The following CELF2 variants were observed in gnomAD, a reference collection of about 807,000 sequenced individuals.
CELF2 encodes the protein CUGBP Elav-like family member 2, also known as CUG triplet repeat RNA-binding protein 2.
A neutral mutation model predicts 62.6 loss-of-function variants in CELF2; 8 were observed. The ratio of observed to expected loss-of-function variants is 0.13; its 90% CI spans 0.07 to 0.23. The LOEUF (loss-of-function observed/expected upper bound fraction) is 0.23, where lower values mean the gene tolerates loss of function less well. Among genes scored for constraint, CELF2 ranks in the 10% least tolerant of loss-of-function variants. CELF2 has a pLI of 1.00. For missense variants in CELF2, 333 were observed against 671.0 expected, an observed-to-expected ratio of 0.50 and a Z score of 5.56; for synonymous variants, 258 against 250.0, an observed-to-expected ratio of 1.03 and a Z score of -0.30.
intron 1 of CELF2, among the ~76,000 whole-genome samples, chr10:10,810,695 T>A (rs768271940): frequency 6.6e-6 from 1 of 152,076 alleles, no homozygotes; most frequent in Non-Finnish European, 1.5e-5. Context: ...GGGAGAGGTC[T>A]TAGAGGAGCC....
At position 11,145,884 on chromosome 10, in the gene CELF2, G is replaced by A. The variant is rs1322254716; in HGVS notation, c.75-19602G>A. Among the ~76,000 whole-genome samples the A allele has an allele frequency of 2.6e-5, 4 of 152,162 alleles. No individual in the cohort carries two copies. Among genetic ancestry groups the A allele is most frequent in the African/African-American group, 9.7e-5 (4 of 41,424 alleles). On this transcript the variant is annotated intron_variant, in intron 1 of 12. Coordinates refer to ENST00000633077, the MANE Select transcript of CELF2 (RefSeq NM_001326342.2). This position sits in a 1 kb window ranked among gnomAD's most constrained non-coding sequence, Gnocchi z 4.3. ...TATATACGTTGTTTACATTTTATGA[G>A]AGAATTATTCCTTATGTATACTTTT... is the stretch of plus-strand genomic sequence containing the variant.
chr10:11,126,738 A>G (rs1001350197), intron 1 of CELF2, among the ~76,000 whole-genome samples: 7 of 152,196 alleles, frequency 4.6e-5, no homozygotes, highest in South Asian at 2.1e-4. Flanking sequence ...TTCATAATAT[A>G]TACATTTCTG....
the CELF2 span, among the ~76,000 whole-genome samples, chr10:10,537,937 T>C: frequency 2.0e-5 from 3 of 152,044 alleles, no homozygotes; most frequent in Non-Finnish European, 4.4e-5. Flanking sequence ...GGGAGCCTGA[T>C]TAGGAAGGGT....
the CELF2 span, among the ~76,000 whole-genome samples, chr10:10,727,044 C>G: frequency 6.6e-6 from 1 of 151,908 alleles, no homozygotes; most frequent in African/African-American, 2.4e-5. Context: ...GTGAGAACTC[C>G]GTCACTAGGA....
chr10:11,231,971 T>C (rs1277729064), intron 3 of CELF2, among the ~76,000 whole-genome samples: 3 of 151,908 alleles, frequency 2.0e-5, no homozygotes, highest in African/African-American at 7.3e-5. Context: ...CATGTATTAT[T>C]AGTGTTAAGT....
chr10:11,182,252 G>A (rs1224548577), intron 2 of CELF2, among the ~76,000 whole-genome samples: 2 of 152,180 alleles, frequency 1.3e-5, no homozygotes, highest in African/African-American at 4.8e-5. Flanking sequence ...GATGTAACCG[G>A]GGAGCGGGGC....
intron 1 of CELF2, among the ~76,000 whole-genome samples, chr10:11,142,965 GGAACTCACTCCCCTCGTGA>G: frequency 2.0e-5 from 3 of 150,586 alleles, no homozygotes; most frequent in East Asian, 2.0e-4. Context: ...CTCCACTGGG[GGAACTCACTCCCCTCGTGA>G]TTCTTCTGTC....
At chr10:10,599,856 C>T in the CELF2 span, among the ~76,000 whole-genome samples, 4 of 151,706 alleles carry the variant, frequency 2.6e-5, no homozygotes, top group Admixed American at 2.0e-4. Context: ...CTCAGCCTCC[C>T]GAGTAGCTGG....
rs1251344274 is a variant in CELF2, at chr10:11,335,765, A to T, written c.*6712A>T. ...GGGGGGTGATTAAATTATCATTTCCAAGGTGCAAGTGTTTATTTTTCAAAT... is the reference window on the plus strand; with the variant it reads ...GGGGGGTGATTAAATTATCATTTCCTAGGTGCAAGTGTTTATTTTTCAAAT... On this transcript the variant is annotated 3_prime_UTR_variant, in exon 13 of 13. Coordinates refer to ENST00000633077, the MANE Select transcript of CELF2 (RefSeq NM_001326342.2). The surrounding 1 kb of genome is among the most constrained non-coding windows in gnomAD (Gnocchi z 5.0). 6.6e-6 allele frequency: 1 copy of T among 152,206 alleles called. No individual in the cohort carries two copies. The highest frequency in any genetic ancestry group is 1.5e-5 in the Non-Finnish European group (1 of 68,044). The allele number at this position is 152,206 out of a possible 1,614,324, so 9.4% of individuals were successfully genotyped here.
the CELF2 span, among the ~76,000 whole-genome samples, chr10:10,702,760 A>AT: frequency 6.6e-6 from 1 of 152,112 alleles, no homozygotes; most frequent in Non-Finnish European, 1.5e-5. Flanking sequence ...AATTTTCTGT[A>AT]TTTTTAGTAG....
chr10:10,640,734 C>G, the CELF2 span, among the ~76,000 whole-genome samples: 1 of 152,160 alleles, frequency 6.6e-6, no homozygotes, highest in Admixed American at 6.5e-5. Flanking sequence ...TGTTAGCATT[C>G]TCATACTATT....
rs145997795 is a variant in CELF2 at position 10,821,533 on chromosome 10, G to T, written c.53+22716G>T. On this transcript the variant is annotated intron_variant, in intron 1 of 13. Coordinates refer to the CELF2 transcript ENST00000636488. ...AAGTCCTTCTTGTCTTCCTGCTTCC[G>T]CCTGACTTGAGGCCTCCATCATTCT... Among the ~76,000 whole-genome samples, 4 of 152,240 alleles carry T rather than the reference G, an allele frequency of 2.6e-5. No homozygotes were observed. The East Asian group carries it at 7.7e-4, about 29-fold the overall frequency.
At chr10:11,004,650 A>C (rs1203551906), upstream of CELF2, among the ~76,000 whole-genome samples, 1 of 152,094 alleles carries the variant, frequency 6.6e-6, no homozygotes, top group Admixed American at 6.6e-5. This position sits in a 1 kb window ranked among gnomAD's most constrained non-coding sequence, Gnocchi z 5.0. Flanking sequence ...CAATCTTTGC[A>C]TTGCCTGCCT....
chr10:10,493,520 G>GT, the CELF2 span, among the ~76,000 whole-genome samples: 46 of 91,842 alleles, frequency 5.0e-4, no homozygotes, highest in African/African-American at 1.4e-3. Context: ...GATTTTGGGC[G>GT]TTTTTTTTTT....
chr10:10,650,855 G>C, the CELF2 span, among the ~76,000 whole-genome samples: 6 of 151,170 alleles, frequency 4.0e-5, no homozygotes, highest in Non-Finnish European at 5.9e-5. Flanking sequence ...TGAAAACGTG[G>C]AGGGGGGAGG....
chr10:11,006,734 A>T lies in CELF2; in HGVS notation c.53+1294A>T, dbSNP rs557446287. On this transcript the variant is annotated intron_variant, in intron 1 of 12. Transcript: ENST00000416382. ...TTTTGCCCTCACAATTTCGGTCACA[A>T]ACTATTATTATATAGCCTATTAAGT... Among the ~76,000 whole-genome samples the T allele has an allele frequency of 2.2e-4, 34 of 152,348 alleles. No individual in the cohort carries two copies. The Middle Eastern group carries it at 0.01, about 46-fold the overall frequency.
At chr10:11,257,336 C>CA (rs61363639) in intron 4 of CELF2, among the ~76,000 whole-genome samples, 4,245 of 114,604 alleles carry the variant, frequency 0.037, 193 homozygotes, top group African/African-American at 0.081. Flanking sequence ...AGACCATCTA[C>CA]AAAAAAAAAA....
chr10:10,463,737 G>C, the CELF2 span, among the ~76,000 whole-genome samples: 1 of 152,080 alleles, frequency 6.6e-6, no homozygotes, highest in Non-Finnish European at 1.5e-5. Context: ...AGAAACTTAG[G>C]AACTACAATT....
chr10:10,875,187 A>G (rs2061003762), intron 1 of CELF2, among the ~76,000 whole-genome samples: 1 of 152,220 alleles, frequency 6.6e-6, no homozygotes, highest in South Asian at 2.1e-4. Flanking sequence ...AAAATCCGAT[A>G]TTCCGTCTGA....
Sources: allele counts gnomAD v4.1 joint callset (sites outside exome capture counted in the v4.1 genomes callset), GRCh38; gene constraint gnomAD v4.1.1; non-coding constraint Gnocchi (gnomAD v3.1); transcripts MANE v1.5; gene names NCBI Gene and HGNC (gene_info 2026-07-23, HGNC 2026-07-21).